PCDHA7: variants seen among roughly 807,000 people sequenced by gnomAD.
PCDHA7 encodes protocadherin alpha-7.
A neutral mutation model predicts 57.2 loss-of-function variants in PCDHA7; 37 were observed. The observed-to-expected ratio is 0.65, with a 90% CI of 0.50 to 0.85. PCDHA7 has a LOEUF of 0.85. Among genes scored for constraint, PCDHA7 ranks in the 40% least tolerant of loss-of-function variants. The probability of loss-of-function intolerance (pLI) is 0.00; values close to 1 mark genes in which losing one functional copy is unlikely to be tolerated. For missense variants in PCDHA7, 1,188 were observed against 1,241.8 expected, an observed-to-expected ratio of 0.96 and a Z score of 0.65; for synonymous variants, 553 against 558.8, an observed-to-expected ratio of 0.99 and a Z score of 0.15.
At position 140,915,662 on chromosome 5, in the gene PCDHA7, G is replaced by T. The variant is rs75670796; in HGVS notation, c.2356-63287G>T. On this transcript the variant is annotated intron_variant, in intron 1 of 3. Transcript: ENST00000525929. ...TCTCTCTCTCTCTCTCTCTCAAGGT[G>T]CTGGGCCATCTTGAACTAGGGGTAT... is the stretch of plus-strand genomic sequence containing the variant. 8.2e-3 allele frequency among the ~76,000 whole-genome samples: 1,195 copies of T among 145,332 alleles called. 7 individuals are homozygous for T. Among genetic ancestry groups the T allele is most frequent in the African/African-American group, 0.02 (782 of 39,430 alleles).
chr5:140,976,142 C>T (rs1554237347), intron 1 of PCDHA7, among the ~76,000 whole-genome samples: 2 of 152,138 alleles, frequency 1.3e-5, no homozygotes, highest in Admixed American at 1.3e-4. Context: ...GGATGAAACT[C>T]ATGTACATTT....
chr5:140,850,870 C>T (rs2041860936), intron 1 of PCDHA7: 1 of 1,591,890 alleles, frequency 6.3e-7, no homozygotes, highest in African/African-American at 1.3e-5. Context: ...CCCTCTGCTT[C>T]CTCAGATTCA....
rs1316558090 is a variant in PCDHA7, at chr5:140,876,786, G to A, written c.2355+40048G>A. 4 of 1,614,114 alleles carry A rather than the reference G, an allele frequency of 2.5e-6. No individual in the cohort carries two copies. In the African/African-American group the frequency reaches 5.3e-5, roughly 22 times the overall value. ...GGGGCTCGCCTTCGCTGTGGGCCAC[G>A]GCTAGAGTGTCCGTGGAGGTGGCCG... is the stretch of plus-strand genomic sequence containing the variant. On this transcript the variant is annotated intron_variant, in intron 1 of 3. Transcript: ENST00000525929.
At chr5:140,914,197 T>G (rs2076637069) in intron 1 of PCDHA7, among the ~76,000 whole-genome samples, 1 of 152,234 alleles carries the variant, frequency 6.6e-6, no homozygotes, top group South Asian at 2.1e-4. Flanking sequence ...ATTATTGTAT[T>G]GTGATCTCTA....
intron 1 of PCDHA7, among the ~76,000 whole-genome samples, chr5:140,944,328 C>T (rs1478623361): frequency 1.3e-5 from 2 of 152,124 alleles, no homozygotes; most frequent in African/African-American, 4.8e-5. Context: ...GCTGGGATTA[C>T]AAGCACGTGC....
Position 140,834,488 on chromosome 5 carries a change from C to T in PCDHA7, c.105C>T (p.Val35=), listed in dbSNP as rs2150219556. 20 of 1,614,036 alleles carry T rather than the reference C, an allele frequency of 1.2e-5. No homozygotes were observed. Among genetic ancestry groups the T allele is most frequent in the East Asian group, 6.7e-5 (3 of 44,894 alleles). Residue 35 remains valine, a synonymous_variant, in exon 1 of 4, where the codon GTC becomes GTT. Coordinates refer to ENST00000525929, the MANE Select transcript of PCDHA7 (RefSeq NM_018910.3). The stretch of plus-strand genomic sequence containing the variant: ...GGAGAGGCCAGCTCCACTACTCGGT[C>T]CCCGAGGAGGCTAAACATGGCAACT... ...EAGRGQLHYS[V]PEEAKHGNFV...
At position 140,836,382 on chromosome 5, in the gene PCDHA7, G is replaced by C. The variant is rs2150259409; in HGVS notation, c.1999G>C (p.Val667Leu). 1.7e-5 allele frequency: 27 copies of C among 1,613,752 alleles called. No homozygotes were observed. Among genetic ancestry groups the C allele is most frequent in the Non-Finnish European group, 2.1e-5 (25 of 1,179,850 alleles). ...PSLTATATVLVSLVESGQAPK... is the reference protein window; with the variant it reads ...PSLTATATVLLSLVESGQAPK... ...GCTGACAGCCACAGCCACCGTGCTG[G>C]TGTCGCTGGTGGAAAGCGGCCAGGC... The change falls in exon 1 of 4, where the codon GTG becomes CTG. Residue 667 changes from valine to leucine, a missense_variant. Coordinates refer to ENST00000525929, the MANE Select transcript of PCDHA7 (RefSeq NM_018910.3).
Position 140,836,027 on chromosome 5 carries a change from C to G in PCDHA7, c.1644C>G (p.Asn548Lys). 1 of 1,613,456 alleles carries G rather than the reference C, an allele frequency of 6.2e-7. No homozygotes were observed. The highest frequency in any genetic ancestry group is 8.5e-7 in the Non-Finnish European group (1 of 1,179,732). ...CGGGCGTGCCGCCTCTGGGCAGCAA[C>G]GTGACGCTGCAGGTGTTCGTGCTGG... ...RDAGVPPLGSNVTLQVFVLDE... is the reference protein window; with the variant it reads ...RDAGVPPLGSKVTLQVFVLDE... Residue 548 changes from asparagine (N) to lysine (K), a missense_variant, in exon 1 of 4, where the codon AAC becomes AAG. Asn to Lys is a moderately conservative substitution (Grantham distance 94). Coordinates refer to ENST00000525929, the MANE Select transcript of PCDHA7 (RefSeq NM_018910.3).
intron 1 of PCDHA7, among the ~76,000 whole-genome samples, chr5:140,887,179 C>A (rs984497356): frequency 6.6e-6 from 1 of 151,850 alleles, no homozygotes; most frequent in Non-Finnish European, 1.5e-5. Context: ...TCACTGCAAG[C>A]TCCACCTCCC....
intron 3 of PCDHA7, among the ~76,000 whole-genome samples, chr5:141,004,888 G>C (rs555046086): frequency 2.0e-5 from 3 of 152,132 alleles, no homozygotes; most frequent in Admixed American, 6.5e-5. Flanking sequence ...GTGCTATTGT[G>C]TCAGCTCTGC....
intron 1 of PCDHA7, among the ~76,000 whole-genome samples, chr5:140,971,546 A>G (rs1236125448): frequency 6.6e-6 from 1 of 152,146 alleles, no homozygotes; most frequent in African/African-American, 2.4e-5. Context: ...TGCCAGATCA[A>G]CCTGTTAAAT....
chr5:140,902,413 C>T (rs2069433988), intron 1 of PCDHA7, among the ~76,000 whole-genome samples: 1 of 152,014 alleles, frequency 6.6e-6, no homozygotes, highest in African/African-American at 2.4e-5. Context: ...TGTTGAATAA[C>T]AGTGGTGAAA....
At chr5:140,857,335 G>T in intron 1 of PCDHA7, 1 of 1,598,584 alleles carries the variant, frequency 6.3e-7, no homozygotes, top group South Asian at 1.1e-5. Flanking sequence ...CGCGGGACGG[G>T]GGCTCGCCTC....
chr5:140,917,999 A>T (rs1292582356), intron 1 of PCDHA7, among the ~76,000 whole-genome samples: 2 of 152,162 alleles, frequency 1.3e-5, no homozygotes, highest in African/African-American at 4.8e-5. Context: ...GGTTATCTTA[A>T]CAATGTTGTT....
At chr5:140,898,543 A>G (rs1284006764) in intron 1 of PCDHA7, among the ~76,000 whole-genome samples, 2 of 152,224 alleles carry the variant, frequency 1.3e-5, no homozygotes, top group East Asian at 3.9e-4. Flanking sequence ...TGTTCCATTT[A>G]TCTATGTCTC....
At chr5:140,870,919 C>A in intron 1 of PCDHA7, 1 of 1,613,952 alleles carries the variant, frequency 6.2e-7, no homozygotes. Context: ...CAACGCGTGG[C>A]TTTCATATGA....
Position 140,835,521 on chromosome 5 carries a change from G to A in PCDHA7, c.1138G>A (p.Gly380Arg), listed in dbSNP as rs2150237469. The A allele has an allele frequency of 6.2e-6, 10 of 1,613,816 alleles. No homozygotes were observed. In the Admixed American group the frequency reaches 1.7e-4, roughly 27 times the overall value. The change falls in exon 1 of 4, where the codon GGA becomes AGA. Residue 380 changes from glycine to arginine, a missense_variant. Coordinates refer to ENST00000525929, the MANE Select transcript of PCDHA7 (RefSeq NM_018910.3). Reference protein sequence around the residue: ...TLISVFDRDFGVNGQVTCSLT... With the variant: ...TLISVFDRDFRVNGQVTCSLT... ...GATTAGCGTGTTTGACCGAGATTTT[G>A]GAGTCAACGGACAGGTTACCTGCTC...
At chr5:140,876,706 G>C in intron 1 of PCDHA7, 1 of 1,614,214 alleles carries the variant, frequency 6.2e-7, no homozygotes, top group South Asian at 1.1e-5. Context: ...GCTGGACAGC[G>C]CCCTGGACCG....
intron 1 of PCDHA7, chr5:140,967,407 G>A: frequency 6.2e-7 from 1 of 1,613,098 alleles, no homozygotes; most frequent in South Asian, 1.1e-5. Context: ...CTGCGTAAGG[G>A]CCTAGACCGG....
Sources: gnomAD v4.1 joint callset for allele counts (sites outside exome capture counted in the v4.1 genomes callset) on GRCh38, gnomAD v4.1.1 for gene constraint, MANE v1.5 for transcripts, NCBI Gene and HGNC (gene_info 2026-07-23, HGNC 2026-07-21) for gene names.